Variants in CDH4 observed in about 807,000 individuals in gnomAD.
CDH4 encodes the protein cadherin 4.
A neutral mutation model predicts 86.0 loss-of-function variants in CDH4; 33 were observed. The observed-to-expected ratio is 0.38, with a 90% CI of 0.29 to 0.51. The LOEUF is 0.51. CDH4 is among the 20% of genes least tolerant of loss of function. The pLI is 0.86. For synonymous variants in CDH4, 555 were observed against 549.4 expected (o/e 1.01, Z -0.14); for missense variants, 1,114 against 1,307.4 (o/e 0.85, Z 2.28).
chr20:61,770,747 G>A lies in CDH4; in HGVS notation c.397-2256G>A, dbSNP rs532686158. On this transcript the variant is annotated intron_variant, in intron 3 of 15. Coordinates refer to ENST00000614565, the MANE Select transcript of CDH4 (RefSeq NM_001794.5). Reference sequence around the variant, plus strand: ...AAATACAAAAAATTAGCCGGGCGTGGTGGCGGGCGCCTGTAGTCCCAGCTA... The same window carrying A: ...AAATACAAAAAATTAGCCGGGCGTGATGGCGGGCGCCTGTAGTCCCAGCTA... 1.1e-4 allele frequency among the ~76,000 whole-genome samples: 17 copies of A among 152,196 alleles called. 1 individual carries two copies. Among genetic ancestry groups the A allele is most frequent in the Admixed American group, 3.3e-4 (5 of 15,308 alleles).
chr20:61,903,312 G>A (rs547949565), intron 8 of CDH4, among the ~76,000 whole-genome samples: 4 of 152,190 alleles, frequency 2.6e-5, no homozygotes, highest in South Asian at 4.1e-4. Flanking sequence ...TTGGGAGGCC[G>A]AGGCGGGCAG....
chr20:61,673,161 G>A (rs2087408921), intron 2 of CDH4, among the ~76,000 whole-genome samples: 1 of 152,130 alleles, frequency 6.6e-6, no homozygotes, highest in Admixed American at 6.5e-5. Context: ...ACGCAGCCCT[G>A]CCCACACCTT....
Position 61,872,720 on chromosome 20 carries a change from C to A in CDH4, c.878-1008C>A, listed in dbSNP as rs777916842. 3.1e-4 allele frequency among the ~76,000 whole-genome samples: 47 copies of A among 152,366 alleles called. 1 individual carries two copies. The highest frequency in any genetic ancestry group is 1.2e-3 in the Admixed American group (19 of 15,310). On this transcript the variant is annotated intron_variant, in intron 6 of 15. Transcript: ENST00000614565. Reference sequence around the variant, plus strand: ...CGTGTGCAGAGCCAGGGCAGGAACACCGGAAGGTGGCGGGCAGAGTCCAGC... The same window carrying A: ...CGTGTGCAGAGCCAGGGCAGGAACAACGGAAGGTGGCGGGCAGAGTCCAGC...
intron 2 of CDH4, among the ~76,000 whole-genome samples, chr20:61,624,425 A>G (rs538951538): frequency 5.9e-5 from 9 of 152,202 alleles, no homozygotes; most frequent in Non-Finnish European, 8.8e-5. Flanking sequence ...CTCTGGAATC[A>G]CAGATGCACC....
At chr20:61,578,423 G>T (rs2086400988) in intron 2 of CDH4, among the ~76,000 whole-genome samples, 4 of 152,166 alleles carry the variant, frequency 2.6e-5, no homozygotes, top group Admixed American at 2.6e-4. Flanking sequence ...CTACAAATTA[G>T]TGCAAAATAA....
chr20:61,908,959 G>A (rs1384825775), intron 8 of CDH4, among the ~76,000 whole-genome samples: 1 of 152,232 alleles, frequency 6.6e-6, no homozygotes, highest in Non-Finnish European at 1.5e-5. Context: ...GCTGAGGGCA[G>A]GTGTGAAGGT....
At chr20:61,855,505 C>T (rs931648864) in intron 6 of CDH4, among the ~76,000 whole-genome samples, 22 of 152,152 alleles carry the variant, frequency 1.4e-4, no homozygotes, top group African/African-American at 5.3e-4. Flanking sequence ...GGCGGCAGGC[C>T]AGGCACACTC....
At chr20:61,652,667 C>A (rs137883587) in intron 2 of CDH4, among the ~76,000 whole-genome samples, 1 of 152,122 alleles carries the variant, frequency 6.6e-6, no homozygotes, top group East Asian at 1.9e-4. Flanking sequence ...AAACCCGATT[C>A]CATACATCCC....
intron 2 of CDH4, among the ~76,000 whole-genome samples, chr20:61,447,602 TCTCCC>T (rs2085358931): frequency 6.7e-6 from 1 of 148,854 alleles, no homozygotes; most frequent in Non-Finnish European, 1.5e-5. Context: ...ATCCATTTTC[TCTCCC>T]CTGCTCATTC....
At chr20:61,599,911 G>C (rs2086585678) in intron 2 of CDH4, 1 of 985,396 alleles carries the variant, frequency 1.0e-6, no homozygotes. Flanking sequence ...GGAAAATAAA[G>C]GGAGGAAGGA....
rs922578506 is a variant in CDH4 at position 61,891,385 on chromosome 20, C to G, written c.1051-3525C>G. Among the ~76,000 whole-genome samples, 3 of 152,198 alleles carry G rather than the reference C, an allele frequency of 2.0e-5. 1 individual carries two copies. The highest frequency in any genetic ancestry group is 1.5e-5 in the Non-Finnish European group (1 of 68,028). ...CCCCTCCCTGTCCTGCTGAGCCTCA[C>G]AGCCTCCCCCTGGAACCCTCTCCTG... On this transcript the variant is annotated intron_variant, in intron 7 of 15. Transcript: ENST00000614565.
rs566433941 is a variant in CDH4 at position 61,676,435 on chromosome 20, G to A, written c.170-67128G>A. 1.3e-5 allele frequency among the ~76,000 whole-genome samples: 2 copies of A among 152,252 alleles called. No individual in the cohort carries two copies. Among genetic ancestry groups the A allele is most frequent in the East Asian group, 3.9e-4 (2 of 5,172 alleles). ...AAAAGAAGGTGGATGGGGGAGGGATGGTGTGAACAATGGAGGCCCGGGGCT... is the reference window on the plus strand; with the variant it reads ...AAAAGAAGGTGGATGGGGGAGGGATAGTGTGAACAATGGAGGCCCGGGGCT... On this transcript the variant is annotated intron_variant, in intron 2 of 15. Coordinates refer to ENST00000614565, the MANE Select transcript of CDH4 (RefSeq NM_001794.5). The surrounding 1 kb of genome is among the most constrained non-coding windows in gnomAD (Gnocchi z 4.5).
intron 3 of CDH4, 132 bp from the exon 4 acceptor site, chr20:61,772,871 G>C: frequency 1.5e-6 from 1 of 651,962 alleles, no homozygotes; most frequent in Non-Finnish European, 2.4e-6. Flanking sequence ...TTCCCGCTTA[G>C]CTCCTTGTCC....
intron 2 of CDH4, among the ~76,000 whole-genome samples, chr20:61,497,549 A>G (rs1018913729): frequency 1.3e-5 from 2 of 152,228 alleles, no homozygotes; most frequent in African/African-American, 2.4e-5. Flanking sequence ...TTAAAAAGTC[A>G]GGAAACAGCA....
intron 2 of CDH4, among the ~76,000 whole-genome samples, chr20:61,591,288 A>G (rs1047156948): frequency 2.0e-5 from 3 of 152,256 alleles, no homozygotes; most frequent in Non-Finnish European, 4.4e-5. Context: ...TTTGTTTTAA[A>G]CTATCAGCAA....
intron 2 of CDH4, among the ~76,000 whole-genome samples, chr20:61,420,638 C>A (rs751823363): frequency 6.6e-6 from 1 of 152,244 alleles, no homozygotes; most frequent in Non-Finnish European, 1.5e-5. Context: ...CCAGGTGCAG[C>A]CAAAGCCGTG....
intron 2 of CDH4, among the ~76,000 whole-genome samples, chr20:61,314,345 C>T (rs1403290126): frequency 1.3e-5 from 2 of 152,198 alleles, no homozygotes; most frequent in South Asian, 2.1e-4. Context: ...TTAGATTCCA[C>T]GTAGAAGTGA....
chr20:61,258,338 A>AAAAAAAAAAG (rs2084111206), intron 2 of CDH4, among the ~76,000 whole-genome samples: 3 of 145,984 alleles, frequency 2.1e-5, no homozygotes, highest in African/African-American at 7.9e-5. Context: ...TCAAAAAAAA[A>AAAAAAAAAAG]AAAAAAAGAA....
intron 2 of CDH4, among the ~76,000 whole-genome samples, chr20:61,615,617 A>T (rs1007634253): frequency 6.6e-5 from 10 of 152,150 alleles, no homozygotes; most frequent in Non-Finnish European, 1.3e-4. Flanking sequence ...AGGATTTGAC[A>T]TTTCCTTTAG....
Sources: gnomAD v4.1 joint callset for allele counts (sites outside exome capture counted in the v4.1 genomes callset) on GRCh38, gnomAD v4.1.1 for gene constraint, Gnocchi (gnomAD v3.1) non-coding constraint, MANE v1.5 for transcripts, NCBI Gene and HGNC (gene_info 2026-07-23, HGNC 2026-07-21) for gene names.